Variants in PLD5 observed in about 807,000 individuals in gnomAD.
PLD5 encodes the protein inactive phospholipase D5.
PLD5 carries 36 observed loss-of-function variants against 61.1 expected under a neutral mutation model. That is an observed-to-expected ratio of 0.59 (90% CI 0.45 to 0.78). The LOEUF is 0.78. Among genes scored for constraint, PLD5 ranks in the 30% least tolerant of loss-of-function variants. PLD5 has a pLI of 0.00. For synonymous variants in PLD5, 243 were observed against 242.8 expected (o/e 1.00, Z -0.01); for missense variants, 515 against 644.4 (o/e 0.80, Z 2.17).
chr1:242,450,757 C>T (rs764232374), intron 1 of PLD5, among the ~76,000 whole-genome samples: 1 of 152,184 alleles, frequency 6.6e-6, no homozygotes, highest in Non-Finnish European at 1.5e-5. Flanking sequence ...AAAACACACA[C>T]ATTTTCACAC....
At chr1:242,217,389 G>A (rs192068135) in intron 5 of PLD5, among the ~76,000 whole-genome samples, 79 of 152,308 alleles carry the variant, frequency 5.2e-4, no homozygotes, top group East Asian at 2.1e-3. Flanking sequence ...TTGGGAGGCC[G>A]AAGTGGGTGA....
intron 1 of PLD5, among the ~76,000 whole-genome samples, chr1:242,439,853 C>T (rs960422284): frequency 2.0e-5 from 3 of 152,156 alleles, no homozygotes; most frequent in African/African-American, 7.2e-5. Context: ...CAAAACAAAA[C>T]TCTCCTGATC....
intron 1 of PLD5, among the ~76,000 whole-genome samples, chr1:242,426,954 CCA>C (rs1362643043): frequency 6.6e-6 from 1 of 152,114 alleles, no homozygotes; most frequent in Non-Finnish European, 1.5e-5. Context: ...TTTTACCCAT[CCA>C]CAGATTGGCT....
chr1:242,190,894 G>A (rs1668231387), intron 5 of PLD5, among the ~76,000 whole-genome samples: 1 of 152,138 alleles, frequency 6.6e-6, no homozygotes, highest in Non-Finnish European at 1.5e-5. Context: ...TTGATCAGAG[G>A]CAGCTCTGAG....
At chr1:242,197,830 C>T (rs112532028) in intron 5 of PLD5, among the ~76,000 whole-genome samples, 38,542 of 151,878 alleles carry the variant, frequency 0.25, 5,481 homozygotes, top group South Asian at 0.41. Flanking sequence ...GACGGGGTTT[C>T]GCCATGTTGG....
At chr1:242,464,874 T>C (rs1413330617) in intron 1 of PLD5, among the ~76,000 whole-genome samples, 1 of 152,216 alleles carries the variant, frequency 6.6e-6, no homozygotes, top group Non-Finnish European at 1.5e-5. Flanking sequence ...GAAGACATTA[T>C]GCTAAGTGAC....
At chr1:242,130,054 C>CTT (rs561595174) in intron 5 of PLD5, among the ~76,000 whole-genome samples, 69 of 143,102 alleles carry the variant, frequency 4.8e-4, no homozygotes, top group African/African-American at 1.6e-3. Flanking sequence ...TGATGAACAT[C>CTT]TTTTTTTTTT....
intron 2 of PLD5, among the ~76,000 whole-genome samples, chr1:242,313,761 A>G (rs190743970): frequency 1.3e-5 from 2 of 151,842 alleles, no homozygotes; most frequent in East Asian, 3.9e-4. Context: ...GAACAAATAC[A>G]ATGCCTTTTT....
intron 2 of PLD5, among the ~76,000 whole-genome samples, chr1:242,294,500 G>A (rs1675538610): frequency 6.6e-6 from 1 of 152,080 alleles, no homozygotes; most frequent in Non-Finnish European, 1.5e-5. Context: ...TATGTGTTTT[G>A]GTAAACAGAA....
At chr1:242,316,861 C>T (rs534800618) in intron 2 of PLD5, among the ~76,000 whole-genome samples, 33 of 152,122 alleles carry the variant, frequency 2.2e-4, no homozygotes, top group African/African-American at 6.3e-4. Context: ...TGAGAACATG[C>T]GGTATTTTGT....
intron 6 of PLD5, 32 bp downstream of exon 6, chr1:242,124,433 AAGG>A (rs1480386574): frequency 6.3e-7 from 1 of 1,582,070 alleles, no homozygotes; most frequent in Non-Finnish European, 8.7e-7. Flanking sequence ...TTGGAGGAAG[AAGG>A]AGAAGGGGAG....
At chr1:242,443,713 A>G (rs1459874430) in intron 1 of PLD5, among the ~76,000 whole-genome samples, 1 of 152,188 alleles carries the variant, frequency 6.6e-6, no homozygotes, top group Non-Finnish European at 1.5e-5. Flanking sequence ...TTGAGTCCAC[A>G]TTTATAGGAG....
chr1:242,440,322 T>C (rs1666213652), intron 1 of PLD5, among the ~76,000 whole-genome samples: 1 of 152,196 alleles, frequency 6.6e-6, no homozygotes, highest in Non-Finnish European at 1.5e-5. Flanking sequence ...TGGTTGCTGG[T>C]CACAGGAATT....
chr1:242,163,750 A>C (rs1666080559), intron 5 of PLD5, among the ~76,000 whole-genome samples: 1 of 151,926 alleles, frequency 6.6e-6, no homozygotes, highest in African/African-American at 2.4e-5. Context: ...AAAAAGGTGA[A>C]AGGAGATGGA....
chr1:242,236,436 A>T (rs1671643572), intron 4 of PLD5, among the ~76,000 whole-genome samples: 1 of 152,218 alleles, frequency 6.6e-6, no homozygotes, highest in Non-Finnish European at 1.5e-5. Flanking sequence ...CTAAAGTTTT[A>T]CATAGCTTTT....
intron 1 of PLD5, among the ~76,000 whole-genome samples, chr1:242,419,531 G>A (rs890434001): frequency 3.3e-5 from 5 of 149,258 alleles, no homozygotes; most frequent in African/African-American, 1.2e-4. Flanking sequence ...GAGTAGCTGG[G>A]ACTACAGGCG....
intron 1 of PLD5, among the ~76,000 whole-genome samples, chr1:242,517,294 C>T (rs1337488206): frequency 6.6e-6 from 1 of 152,158 alleles, no homozygotes; most frequent in Non-Finnish European, 1.5e-5. Context: ...GATAATTTTT[C>T]AATAGTTCGC....
At chr1:242,203,118 C>T (rs371642999) in intron 5 of PLD5, among the ~76,000 whole-genome samples, 62 of 152,318 alleles carry the variant, frequency 4.1e-4, no homozygotes, top group African/African-American at 1.4e-3. Flanking sequence ...ACTTGATTAA[C>T]GATGGCCAGC....
At chr1:242,474,925 C>T (rs1667542150) in intron 1 of PLD5, among the ~76,000 whole-genome samples, 1 of 152,160 alleles carries the variant, frequency 6.6e-6, no homozygotes, top group African/African-American at 2.4e-5. Context: ...TTTAACAATG[C>T]ATTATAAATA....
Sources: gnomAD v4.1 joint callset for allele counts (sites outside exome capture counted in the v4.1 genomes callset) on GRCh38, gnomAD v4.1.1 for gene constraint, MANE v1.5 for transcripts, NCBI Gene and HGNC (gene_info 2026-07-23, HGNC 2026-07-21) for gene names.